The following NCOR1 variants were observed in gnomAD, a reference collection of about 807,000 sequenced individuals.
NCOR1 encodes the protein protein phosphatase 1, regulatory subunit 109.
NCOR1 carries 63 observed loss-of-function variants against 288.1 expected under a neutral mutation model. The observed-to-expected ratio is 0.22, with a 90% CI of 0.18 to 0.27. The LOEUF is 0.27. Among genes scored for constraint, NCOR1 ranks in the 10% least tolerant of loss-of-function variants. NCOR1 has a pLI of 1.00. For missense variants in NCOR1, 2,397 were observed against 3,019.2 expected (o/e 0.79, Z 4.83); for synonymous variants, 1,007 against 1,065.9 (o/e 0.94, Z 1.08).
Position 16,031,004 on chromosome 17 carries a change from ATACT to A in NCOR1, c.*1288_*1291del, listed in dbSNP as rs1971882232. ...CTGTTAGTATCTATGTTATAGAAAG[ATACT>A]TAAATGCTATGATAAATTGTATGAA... is the stretch of plus-strand genomic sequence containing the variant. On this transcript the variant is annotated 3_prime_UTR_variant, in exon 46 of 46. Coordinates refer to ENST00000268712, the MANE Select transcript of NCOR1 (RefSeq NM_006311.4). 1 of 196,812 alleles carries A rather than the reference ATACT, an allele frequency of 5.1e-6. No homozygotes were observed. Among genetic ancestry groups the A allele is most frequent in the Admixed American group, 6.1e-5 (1 of 16,462 alleles). The allele number at this position is 196,812 out of a possible 1,614,324, so 12.2% of individuals were successfully genotyped here.
chr17:16,080,252 T>A, intron 25 of NCOR1, 156 bp downstream of exon 25: 1 of 825,420 alleles, frequency 1.2e-6, no homozygotes, highest in Non-Finnish European at 1.8e-6. Flanking sequence ...ACATGGAACT[T>A]CAAGGTTTTA....
chr17:16,047,076 G>A lies in NCOR1; in HGVS notation c.6554C>T (p.Pro2185Leu), dbSNP rs1490207986. 44 of 1,612,638 alleles carry A rather than the reference G, an allele frequency of 2.7e-5. No homozygotes were observed. The highest frequency in any genetic ancestry group is 3.6e-5 in the Non-Finnish European group (43 of 1,179,402). ...TGAAGGCAAGTAGCTTATACTCCCT[G>A]GTGAGCGGGCATCATTCCTGTTAGG... ...PAEQRNDARS[P>L]GSISYLPSFF... The change falls in exon 42 of 46, where the codon CCA becomes CTA. Residue 2185 changes from proline (P) to leucine (L), a missense_variant. Pro to Leu is a moderately conservative substitution (Grantham distance 98, BLOSUM62 -3). Transcript: ENST00000268712.
chr17:16,081,054 C>T (rs558172104), intron 23 of NCOR1, among the ~76,000 whole-genome samples: 14 of 151,696 alleles, frequency 9.2e-5, no homozygotes, highest in East Asian at 3.9e-4. Flanking sequence ...ATATTCATTC[C>T]GACTAAAAAT....
intron 13 of NCOR1, 115 bp downstream of exon 13, chr17:16,138,043 C>G (rs533816959): frequency 5.4e-6 from 4 of 735,326 alleles, no homozygotes; most frequent in South Asian, 5.3e-5. Flanking sequence ...TGAGACTCTT[C>G]GCAGTCTTTT....
intron 23 of NCOR1, among the ~76,000 whole-genome samples, 182 bp from the exon 24 acceptor site, chr17:16,080,909 T>TA (rs1280386940): frequency 5.3e-5 from 8 of 151,616 alleles, no homozygotes; most frequent in Admixed American, 2.0e-4. Flanking sequence ...TGCTTAAATA[T>TA]AAAAAAAATT....
At chr17:16,165,343 G>A (rs547433134) in intron 4 of NCOR1, among the ~76,000 whole-genome samples, 182 bp from the exon 5 acceptor site, 5 of 152,244 alleles carry the variant, frequency 3.3e-5, no homozygotes, top group Non-Finnish European at 7.3e-5. Flanking sequence ...TTATAGTTTA[G>A]ATATACCATG....
chr17:16,044,860 C>T, intron 42 of NCOR1: 1 of 821,698 alleles, frequency 1.2e-6, no homozygotes, highest in Admixed American at 1.9e-5. Flanking sequence ...TGGGATCCTG[C>T]CCACTCCACT....
chr17:16,089,816 A>G (rs2064885679), intron 22 of NCOR1, among the ~76,000 whole-genome samples: 1 of 152,156 alleles, frequency 6.6e-6, no homozygotes, highest in Non-Finnish European at 1.5e-5. Context: ...ACACTGAACT[A>G]CAGGATAGAC....
intron 44 of NCOR1, among the ~76,000 whole-genome samples, chr17:16,036,453 G>GC (rs2056386610): frequency 6.6e-6 from 1 of 152,164 alleles, no homozygotes; most frequent in Non-Finnish European, 1.5e-5. Flanking sequence ...ACCTGCATTA[G>GC]CCCCTAACAA....
Position 16,033,083 on chromosome 17 carries a change from C to T in NCOR1, c.7136-600G>A, listed in dbSNP as rs568008213. 4.6e-5 allele frequency among the ~76,000 whole-genome samples: 7 copies of T among 152,160 alleles called. No homozygotes were observed. In the South Asian group the frequency reaches 1.4e-3, roughly 32 times the overall value. ...AAAACAGGCTGGGCGCAGTGGCTCA[C>T]GCCTGTAATCCCAGCACTTTGGGAG... On this transcript the variant is annotated intron_variant, in intron 45 of 45. Coordinates refer to ENST00000268712, the MANE Select transcript of NCOR1 (RefSeq NM_006311.4).
intron 26 of NCOR1, among the ~76,000 whole-genome samples, chr17:16,079,023 T>C (rs1362033920): frequency 1.3e-5 from 2 of 152,086 alleles, no homozygotes; most frequent in East Asian, 3.9e-4. Flanking sequence ...TGATCTAGAG[T>C]GCGGACTGAC....
intron 28 of NCOR1, among the ~76,000 whole-genome samples, 196 bp downstream of exon 28, chr17:16,073,233 G>A (rs2061976171): frequency 1.3e-5 from 2 of 152,048 alleles, no homozygotes; most frequent in East Asian, 1.9e-4. Context: ...CCATTGTTAT[G>A]TGCCACTTTA....
intron 23 of NCOR1, among the ~76,000 whole-genome samples, 185 bp downstream of exon 23, chr17:16,086,097 T>C (rs2064184047): frequency 6.6e-6 from 1 of 152,218 alleles, no homozygotes; most frequent in Non-Finnish European, 1.5e-5. Context: ...CATAACTCAC[T>C]GAAAGTTCTG....
At chr17:16,096,642 C>G (rs150057751) in intron 21 of NCOR1, among the ~76,000 whole-genome samples, 12 of 151,936 alleles carry the variant, frequency 7.9e-5, no homozygotes, top group African/African-American at 2.9e-4. Flanking sequence ...CTGGAAATGA[C>G]CGTTTCAATC....
chr17:16,051,157 C>T (rs954501197), intron 40 of NCOR1, among the ~76,000 whole-genome samples: 3 of 152,144 alleles, frequency 2.0e-5, no homozygotes, highest in African/African-American at 7.2e-5. Context: ...TAATTTTGTC[C>T]ATTTTGCCTT....
Position 16,092,078 on chromosome 17 carries a change from C to A in NCOR1, c.2821-20G>T. 3 of 1,609,324 alleles carry A rather than the reference C, an allele frequency of 1.9e-6. No individual in the cohort carries two copies. Among genetic ancestry groups the A allele is most frequent in the South Asian group, 2.2e-5 (2 of 90,950 alleles). The stretch of plus-strand genomic sequence containing the variant: ...GGATACCTATAGGAAGAAAATAAAT[C>A]GAAATATGCAAACAACCAATGTAAT... On this transcript the variant is annotated intron_variant, in intron 21 of 45. Transcript: ENST00000268712.
intron 26 of NCOR1, among the ~76,000 whole-genome samples, chr17:16,078,956 T>C (rs989216320): frequency 1.3e-5 from 2 of 152,248 alleles, no homozygotes; most frequent in Non-Finnish European, 2.9e-5. Flanking sequence ...GTATGTAAAC[T>C]ACATTTCAGA....
chr17:16,103,802 G>C lies in NCOR1; in HGVS notation c.2183-2045C>G, dbSNP rs1205065409. Among the ~76,000 whole-genome samples the C allele has an allele frequency of 2.6e-5, 4 of 152,364 alleles. No homozygotes were observed. The East Asian group carries it at 7.7e-4, about 29-fold the overall frequency. On this transcript the variant is annotated intron_variant, in intron 19 of 45. Transcript: ENST00000268712. ...AGGCCGAGGTGGATGGATCACCTGA[G>C]GTGAGGAGTTTGAGACCATCCTGAC...
Position 16,067,953 on chromosome 17 carries a change from C to G in NCOR1, c.4682G>C (p.Arg1561Pro). Residue 1561 changes from arginine (R) to proline (P), a missense_variant, in exon 32 of 46, where the codon CGG becomes CCG. Physicochemically the swap from Arg to Pro is moderately radical, Grantham distance 103. Coordinates refer to ENST00000268712, the MANE Select transcript of NCOR1 (RefSeq NM_006311.4). Reference protein sequence around the residue: ...HRGSTAGEVYRSHLPTHLDPA... With the variant: ...HRGSTAGEVYPSHLPTHLDPA... ...ATCCAAGTGCGTGGGCAGGTGGCTCCGATAAACCTCGCCTGCAGTGCTGCC... is the reference window on the plus strand; with the variant it reads ...ATCCAAGTGCGTGGGCAGGTGGCTCGGATAAACCTCGCCTGCAGTGCTGCC... The G allele has an allele frequency of 1.2e-6, 2 of 1,614,174 alleles. No individual in the cohort carries two copies. Among genetic ancestry groups the G allele is most frequent in the Non-Finnish European group, 1.7e-6 (2 of 1,180,040 alleles).
Sources: gnomAD v4.1 joint callset for allele counts (sites outside exome capture counted in the v4.1 genomes callset) on GRCh38, gnomAD v4.1.1 for gene constraint, MANE v1.5 for transcripts, NCBI Gene and HGNC (gene_info 2026-07-23, HGNC 2026-07-21) for gene names.